Variants in SERINC5 observed in about 807,000 individuals in gnomAD.
The protein encoded by SERINC5 is serine incorporator 5.
SERINC5 carries 41 observed loss-of-function variants against 63.1 expected under a neutral mutation model. That is an observed-to-expected ratio of 0.65 (90% CI 0.51 to 0.84). The LOEUF is 0.84. Ranked by LOEUF, SERINC5 falls within the 40% of genes least tolerant of loss-of-function variation. The pLI is 0.00. For missense variants in SERINC5, 523 were observed against 573.0 expected (o/e 0.91, Z 0.89); for synonymous variants, 222 against 215.2 (o/e 1.03, Z -0.28).
intron 1 of SERINC5, among the ~76,000 whole-genome samples, chr5:80,204,170 A>T (rs184260326): frequency 6.6e-6 from 1 of 152,120 alleles, no homozygotes; most frequent in East Asian, 1.9e-4. Context: ...GCCAGTAAAG[A>T]GTTTTGGTGA....
intron 1 of SERINC5, among the ~76,000 whole-genome samples, chr5:80,244,336 C>G (rs936355827): frequency 6.6e-6 from 1 of 151,950 alleles, no homozygotes; most frequent in Non-Finnish European, 1.5e-5. Context: ...CAGCCTCAAC[C>G]TCCTGAGTAG....
intron 2 of SERINC5, among the ~76,000 whole-genome samples, chr5:80,189,381 C>T (rs932382765): frequency 4.6e-5 from 7 of 152,142 alleles, no homozygotes; most frequent in Non-Finnish European, 1.0e-4. Flanking sequence ...CAACCAAAGC[C>T]GGGAAGAGAG....
chr5:80,185,313 G>C (rs1301592006), intron 2 of SERINC5, among the ~76,000 whole-genome samples: 4 of 152,058 alleles, frequency 2.6e-5, no homozygotes, highest in Non-Finnish European at 5.9e-5. Flanking sequence ...CTGCTAACTT[G>C]AGCTAGCTAC....
intron 1 of SERINC5, among the ~76,000 whole-genome samples, chr5:80,212,680 G>T (rs1750491899): frequency 6.7e-6 from 1 of 149,282 alleles, no homozygotes; most frequent in African/African-American, 2.5e-5. Context: ...GGGGGGTGTT[G>T]GTAAACCCTC....
chr5:80,164,236 T>C lies in SERINC5; in HGVS notation c.859+2147A>G, dbSNP rs190850328. On this transcript the variant is annotated intron_variant, in intron 7 of 11. Coordinates refer to ENST00000507668, the MANE Select transcript of SERINC5 (RefSeq NM_001174072.3). ...CTAATTTTGTTGATTTGGTCTTCTC[T>C]CTTCTTGGTTAGTCCAGGGGCTTAT... 6.6e-5 allele frequency among the ~76,000 whole-genome samples: 10 copies of C among 152,258 alleles called. No homozygotes were observed. The East Asian group carries it at 9.6e-4, about 15-fold the overall frequency.
At chr5:80,234,471 C>G (rs1189036342) in intron 1 of SERINC5, among the ~76,000 whole-genome samples, 1 of 152,144 alleles carries the variant, frequency 6.6e-6, no homozygotes, top group East Asian at 1.9e-4. Flanking sequence ...ATGTGTTAAA[C>G]TCTGTTATCT....
At position 80,222,277 on chromosome 5, in the gene SERINC5, A is replaced by C. The variant is rs1014736326; in HGVS notation, c.28-19224T>G. ...TCTGCTACGCTATGCTCCCTGAAGA[A>C]GAATCACCCCCACTTTGCAACTGTG... On this transcript the variant is annotated intron_variant, in intron 1 of 11. Transcript: ENST00000507668. Among the ~76,000 whole-genome samples the C allele has an allele frequency of 2.6e-5, 4 of 152,176 alleles. No homozygotes were observed. In the South Asian group the frequency reaches 8.3e-4, roughly 32 times the overall value.
chr5:80,153,881 T>G (rs1336499065), intron 8 of SERINC5, among the ~76,000 whole-genome samples: 1 of 151,770 alleles, frequency 6.6e-6, no homozygotes, highest in Non-Finnish European at 1.5e-5. Flanking sequence ...CCCTTCACAC[T>G]GGCAGAAGAA....
intron 2 of SERINC5, among the ~76,000 whole-genome samples, chr5:80,201,140 A>C (rs1198084134): frequency 6.6e-6 from 1 of 152,132 alleles, no homozygotes; most frequent in East Asian, 1.9e-4. Flanking sequence ...AAAAAAAATA[A>C]AATAGCCCTA....
chr5:80,231,739 G>A (rs1291767002), intron 1 of SERINC5, among the ~76,000 whole-genome samples: 1 of 152,094 alleles, frequency 6.6e-6, no homozygotes, highest in Non-Finnish European at 1.5e-5. Flanking sequence ...AACAAATGTT[G>A]GTGGAACTGG....
chr5:80,201,756 C>T (rs1749849604), intron 2 of SERINC5, among the ~76,000 whole-genome samples: 1 of 152,196 alleles, frequency 6.6e-6, no homozygotes, highest in Admixed American at 6.5e-5. Flanking sequence ...AGGCCTACTT[C>T]TGTATACGCT....
chr5:80,243,725 G>A (rs965381535), intron 1 of SERINC5, among the ~76,000 whole-genome samples: 2 of 150,328 alleles, frequency 1.3e-5, no homozygotes, highest in African/African-American at 4.9e-5. Context: ...GGGCAACATA[G>A]TGAGAGCCTG....
chr5:80,144,722 A>G (rs777757745), intron 11 of SERINC5, among the ~76,000 whole-genome samples: 11 of 152,060 alleles, frequency 7.2e-5, no homozygotes, highest in African/African-American at 2.4e-4. Context: ...TTTCTCCCCA[A>G]TACTCATCAC....
intron 2 of SERINC5, among the ~76,000 whole-genome samples, chr5:80,183,661 C>G (rs1207824012): frequency 6.6e-6 from 1 of 151,986 alleles, no homozygotes; most frequent in Admixed American, 6.6e-5. Context: ...GAATTTCCTT[C>G]TCCTGGCTCA....
At chr5:80,119,208 T>C (rs974176501) in intron 11 of SERINC5, among the ~76,000 whole-genome samples, 4 of 152,190 alleles carry the variant, frequency 2.6e-5, no homozygotes, top group Non-Finnish European at 5.9e-5. Context: ...ACTGGATAAT[T>C]GGTAGCTCTC....
chr5:80,181,382 G>A (rs1488951077), intron 2 of SERINC5, among the ~76,000 whole-genome samples: 1 of 143,314 alleles, frequency 7.0e-6, no homozygotes, highest in Non-Finnish European at 1.5e-5. Flanking sequence ...GAGTAGCTAG[G>A]ACTACAGGCA....
At chr5:80,201,428 G>A (rs1749829153) in intron 2 of SERINC5, among the ~76,000 whole-genome samples, 1 of 152,220 alleles carries the variant, frequency 6.6e-6, no homozygotes, top group Non-Finnish European at 1.5e-5. Flanking sequence ...AAAGAAGTCT[G>A]CCCTTCCCGG....
intron 1 of SERINC5, among the ~76,000 whole-genome samples, chr5:80,236,071 T>G (rs549402307): frequency 6.6e-6 from 1 of 152,178 alleles, no homozygotes; most frequent in Non-Finnish European, 1.5e-5. Flanking sequence ...ACATTACTTA[T>G]TTTAATGGAA....
chr5:80,149,069 G>A (rs1387213257), intron 9 of SERINC5, among the ~76,000 whole-genome samples: 3 of 152,142 alleles, frequency 2.0e-5, no homozygotes, highest in Admixed American at 2.0e-4. Context: ...ATGTGACGCA[G>A]GAGAGCAAAC....
Sources: allele counts gnomAD v4.1 joint callset (sites outside exome capture counted in the v4.1 genomes callset), GRCh38; gene constraint gnomAD v4.1.1; transcripts MANE v1.5; gene names NCBI Gene and HGNC (gene_info 2026-07-23, HGNC 2026-07-21).